The following SEC16B variants were observed in gnomAD, a reference collection of about 807,000 sequenced individuals.
The protein encoded by SEC16B is protein transport protein Sec16B.
In SEC16B, 115 loss-of-function variants were observed where a neutral mutation model predicts 141.8. That is an observed-to-expected ratio of 0.81 (90% CI 0.70 to 0.95). SEC16B has a LOEUF of 0.95. SEC16B is among the 40% of genes least tolerant of loss of function. SEC16B has a pLI of 0.00. For missense variants in SEC16B, 1,291 were observed against 1,312.3 expected (o/e 0.98, Z 0.25); for synonymous variants, 493 against 492.5 (o/e 1.00, Z -0.01).
Position 177,929,811 on chromosome 1 carries a change from A to G in SEC16B, c.*47T>C, listed in dbSNP as rs1650277882. 6.2e-7 allele frequency: 1 copy of G among 1,600,330 alleles called. No individual in the cohort carries two copies. Among genetic ancestry groups the G allele is most frequent in the Non-Finnish European group, 8.5e-7 (1 of 1,170,014 alleles). On this transcript the variant is annotated 3_prime_UTR_variant, in exon 26 of 26. Coordinates refer to ENST00000308284, the MANE Select transcript of SEC16B (RefSeq NM_033127.4). The stretch of plus-strand genomic sequence containing the variant: ...GCTGGGAGATTGAGAAAAAGAGAGC[A>G]AGAAAGTTTCAGTCCTGGGAGATGA...
chr1:177,932,461 C>A, intron 24 of SEC16B, 29 bp downstream of exon 24: 1 of 1,485,490 alleles, frequency 6.7e-7, no homozygotes, highest in Admixed American at 2.4e-5. Context: ...TGCTGGGGTC[C>A]GAGGCTCCAG....
At chr1:177,953,577 G>A (rs192375225) in intron 11 of SEC16B, among the ~76,000 whole-genome samples, 26 of 152,152 alleles carry the variant, frequency 1.7e-4, no homozygotes, top group Admixed American at 3.9e-4. Context: ...CCCTATACCC[G>A]CCACCTCCAT....
intron 20 of SEC16B, 118 bp from the exon 21 acceptor site, chr1:177,933,754 T>A: frequency 9.8e-7 from 1 of 1,020,740 alleles, no homozygotes; most frequent in Non-Finnish European, 1.4e-6. Flanking sequence ...CTCAGGATCA[T>A]ATTGTACTGA....
chr1:177,970,299 G>C (rs1653879361), upstream of SEC16B: 1 of 152,178 alleles, frequency 6.6e-6, no homozygotes, highest in African/African-American at 2.4e-5. Context: ...CCACCTTTGG[G>C]GTGTTAACTC....
intron 2 of SEC16B, among the ~76,000 whole-genome samples, chr1:177,966,859 T>C (rs1221018492): frequency 1.3e-5 from 2 of 152,162 alleles, no homozygotes; most frequent in Non-Finnish European, 2.9e-5. Context: ...ACAGGCGTGA[T>C]CCAGGAGCCT....
At position 177,967,761 on chromosome 1, in the gene SEC16B, G is replaced by A. The variant is rs532367852; in HGVS notation, c.221C>T (p.Ser74Phe). ...AGGCTGATGCCAGTCCCCTGGCCTG[G>A]ATGCATAATGGGGCTGCTGCTGATG... ...ADHQQQPHYA[S>F]RPGDWHQPVS... is the part of the protein sequence containing the mutation. Residue 74 changes from serine (S) to phenylalanine (F), a missense_variant, in exon 2 of 26, where the codon TCC becomes TTC. Physicochemically the swap from Ser to Phe is radical, Grantham distance 155 (BLOSUM62 -2). Coordinates refer to ENST00000308284, the MANE Select transcript of SEC16B (RefSeq NM_033127.4). The A allele has an allele frequency of 1.2e-6, 2 of 1,613,976 alleles. No individual in the cohort carries two copies. The highest frequency in any genetic ancestry group is 4.5e-5 in the East Asian group (2 of 44,874).
intron 8 of SEC16B, chr1:177,960,047 A>G (rs1652933542): frequency 2.5e-6 from 1 of 393,148 alleles, no homozygotes; most frequent in Non-Finnish European, 4.6e-6. Context: ...ACTAACATCT[A>G]TCAAGCACAC....
chr1:177,937,730 A>T (rs538184312), intron 18 of SEC16B, among the ~76,000 whole-genome samples: 1 of 152,092 alleles, frequency 6.6e-6, no homozygotes, highest in African/African-American at 2.4e-5. Context: ...TTTTTTCTTC[A>T]CTAGTGTACC....
chr1:177,932,848 AGTT>A (rs1319458573), intron 22 of SEC16B, 42 bp from the exon 23 acceptor site: 3 of 1,557,226 alleles, frequency 1.9e-6, no homozygotes, highest in Non-Finnish European at 2.6e-6. Context: ...CAACATTGGC[AGTT>A]AACAAATTGA....
chr1:177,944,472 G>C (rs1651518014), intron 15 of SEC16B, 89 bp downstream of exon 15: 2 of 956,500 alleles, frequency 2.1e-6, no homozygotes, highest in South Asian at 3.0e-5. Context: ...CTTAGCCCCA[G>C]GTACTAAGTG....
rs1456838958 is a variant in SEC16B at position 177,951,972 on chromosome 1, T to C, written c.1487A>G (p.Asn496Ser). The change falls in exon 12 of 26, where the codon AAT (asparagine) becomes AGT (serine). Residue 496 changes from asparagine to serine, a missense_variant. This residue lies in a region of SEC16B where 681 missense variants were observed against 675.5 expected (regional missense o/e 1.01). Transcript: ENST00000308284. Reference sequence around the variant, plus strand: ...CTGGAAGAGGGTCTGCAGTGGGTCATTGAGCGCCAGCGTGCTGGTGAAGCT... The same window carrying C: ...CTGGAAGAGGGTCTGCAGTGGGTCACTGAGCGCCAGCGTGCTGGTGAAGCT... ...MSGFTSTLALNDPLQTLFQLM... is the reference protein window; with the variant it reads ...MSGFTSTLALSDPLQTLFQLM... 11 of 1,605,692 alleles carry C rather than the reference T, an allele frequency of 6.9e-6. No individual in the cohort carries two copies. The highest frequency in any genetic ancestry group is 2.2e-5 in the South Asian group (2 of 88,896).
At chr1:177,978,971 T>C (rs1025073735) in intron 1 of SEC16B, among the ~76,000 whole-genome samples, 2 of 152,150 alleles carry the variant, frequency 1.3e-5, no homozygotes, top group African/African-American at 4.8e-5. Context: ...GCTCATTATT[T>C]TCATTACCCA....
At chr1:177,970,069 G>A (rs1385095976), upstream of SEC16B, 1 of 152,264 alleles carries the variant, frequency 6.6e-6, no homozygotes, top group Non-Finnish European at 1.5e-5. Flanking sequence ...GATTCATTAG[G>A]GCAAAGTACA....
At chr1:177,966,081 AC>A in intron 2 of SEC16B, 76 bp from the exon 3 acceptor site, 4 of 862,908 alleles carry the variant, frequency 4.6e-6, no homozygotes, top group Non-Finnish European at 7.3e-6. Context: ...AACTTGACAA[AC>A]TAAACAGGTT....
intron 12 of SEC16B, among the ~76,000 whole-genome samples, chr1:177,951,273 A>G (rs1481225357): frequency 1.3e-5 from 2 of 152,208 alleles, no homozygotes; most frequent in East Asian, 3.9e-4. Flanking sequence ...ATATACCCCA[A>G]GGAAAAAAAT....
intron 15 of SEC16B, among the ~76,000 whole-genome samples, chr1:177,942,449 C>A (rs1228801526): frequency 6.6e-6 from 1 of 152,204 alleles, no homozygotes; most frequent in Non-Finnish European, 1.5e-5. Flanking sequence ...AGGTGGATCA[C>A]TTGAGGTCAG....
At chr1:177,962,749 A>C (rs1653173964) in intron 5 of SEC16B, among the ~76,000 whole-genome samples, 1 of 151,944 alleles carries the variant, frequency 6.6e-6, no homozygotes, top group Non-Finnish European at 1.5e-5. Context: ...CTGTCTCTAA[A>C]TAAATAAATA....
intron 20 of SEC16B, among the ~76,000 whole-genome samples, chr1:177,935,143 C>T (rs888157822): frequency 1.3e-5 from 2 of 152,106 alleles, no homozygotes; most frequent in African/African-American, 4.8e-5. Context: ...CACTTGAAGG[C>T]CTCCTCAGAG....
At chr1:177,961,872 C>A in intron 5 of SEC16B, 138 bp from the exon 6 acceptor site, 1 of 847,488 alleles carries the variant, frequency 1.2e-6, no homozygotes, top group South Asian at 1.6e-5. Flanking sequence ...AGTTGATAGG[C>A]ATTTGCCAAA....
Sources: allele counts gnomAD v4.1 joint callset (sites outside exome capture counted in the v4.1 genomes callset), GRCh38; gene constraint gnomAD v4.1.1; regional missense constraint gnomAD v4.1.1; transcripts MANE v1.5; gene names NCBI Gene and HGNC (gene_info 2026-07-23, HGNC 2026-07-21).